The following RUNX1T1 variants were observed in gnomAD, a reference collection of about 807,000 sequenced individuals.
The protein encoded by RUNX1T1 is protein CBFA2T1.
RUNX1T1 carries 4 observed loss-of-function variants against 62.8 expected under a neutral mutation model. That is an observed-to-expected ratio of 0.06 (90% CI 0.03 to 0.15). The LOEUF is 0.15. Among genes scored for constraint, RUNX1T1 ranks in the 10% least tolerant of loss-of-function variants. The pLI, the probability that RUNX1T1 is intolerant of heterozygous loss-of-function variation, is 1.00. For synonymous variants in RUNX1T1, 291 were observed against 286.0 expected, an observed-to-expected ratio of 1.02 and a Z score of -0.18; for missense variants, 508 against 754.3, an observed-to-expected ratio of 0.67 and a Z score of 3.82.
chr8:92,005,426 G>A, intron 4 of RUNX1T1, 129 bp from the exon 6 acceptor site: 1 of 761,366 alleles, frequency 1.3e-6, no homozygotes, highest in Non-Finnish European at 2.0e-6. Context: ...TGCATGCCAT[G>A]GGCTGGAACC....
At chr8:91,994,349 A>G in intron 5 of RUNX1T1, 2 of 190,054 alleles carry the variant, frequency 1.1e-5, no homozygotes, top group South Asian at 2.3e-4. Context: ...TACCCATGTG[A>G]TTCTAATCTG....
chr8:91,987,211 T>G (rs1009918612), intron 6 of RUNX1T1, among the ~76,000 whole-genome samples: 1 of 152,154 alleles, frequency 6.6e-6, no homozygotes, highest in African/African-American at 2.4e-5. Context: ...ATTTTACACA[T>G]AAGGAGACAG....
At chr8:92,068,345 G>A (rs796828437) in intron 2 of RUNX1T1, among the ~76,000 whole-genome samples, 5 of 152,116 alleles carry the variant, frequency 3.3e-5, no homozygotes, top group African/African-American at 9.6e-5. Context: ...GACTAATGGC[G>A]AGTTAGTTTT....
chr8:92,038,943 T>C (rs773843227), intron 1 of RUNX1T1, among the ~76,000 whole-genome samples: 1 of 151,954 alleles, frequency 6.6e-6, no homozygotes, highest in Non-Finnish European at 1.5e-5. Flanking sequence ...GTCTCTCTCA[T>C]CCAGAAAAAT....
intron 1 of RUNX1T1, among the ~76,000 whole-genome samples, chr8:92,048,947 T>C (rs913514262): frequency 2.6e-5 from 4 of 152,112 alleles, no homozygotes; most frequent in African/African-American, 9.7e-5. Flanking sequence ...CAAATTAAAA[T>C]GAGGAGGTAT....
chr8:92,094,227 TA>T (rs1406870846), intron 1 of RUNX1T1, among the ~76,000 whole-genome samples: 1 of 152,238 alleles, frequency 6.6e-6, no homozygotes, highest in East Asian at 1.9e-4. Flanking sequence ...CCCCTGGCTT[TA>T]AACAAATTTT....
At chr8:92,009,101 G>A (rs753139368) in intron 4 of RUNX1T1, among the ~76,000 whole-genome samples, 12 of 152,084 alleles carry the variant, frequency 7.9e-5, no homozygotes, top group Non-Finnish European at 1.3e-4. Context: ...CAAGACAAGA[G>A]GCTTCCACAC....
intron 1 of RUNX1T1, among the ~76,000 whole-genome samples, chr8:92,088,561 A>G (rs913987083): frequency 1.3e-5 from 2 of 152,230 alleles, no homozygotes; most frequent in East Asian, 1.9e-4. Flanking sequence ...CCCTGGCACC[A>G]TGATCTGTGC....
At chr8:92,027,015 C>T (rs1434002274) in intron 1 of RUNX1T1, among the ~76,000 whole-genome samples, 2 of 138,464 alleles carry the variant, frequency 1.4e-5, no homozygotes, top group African/African-American at 2.7e-5. Flanking sequence ...ACTCGGGAGG[C>T]TGAGGCAGGA....
chr8:91,960,062 G>A, exon 11 of RUNX1T1: 2 of 630,194 alleles, frequency 3.2e-6, no homozygotes, highest in Non-Finnish European at 5.5e-6. Context: ...CCCGTTACTG[G>A]CCCTCTGTGT....
chr8:91,994,199 T>C (rs1363312538), intron 5 of RUNX1T1, among the ~76,000 whole-genome samples: 3 of 152,152 alleles, frequency 2.0e-5, no homozygotes, highest in Non-Finnish European at 4.4e-5. Flanking sequence ...CACTAAAACA[T>C]ACTGACTCCT....
In RUNX1T1 at chr8:91,959,484, GTGTGTATATA is replaced by G. The variant is rs1563591921; in HGVS notation, c.*748_*757del. 875 of 162,574 alleles carry G rather than the reference GTGTGTATATA, an allele frequency of 5.4e-3. 23 individuals carry two copies. Among genetic ancestry groups the G allele is most frequent in the African/African-American group, 0.015 (534 of 35,496 alleles). 10.1% of individuals were successfully genotyped at this position (162,574 alleles called of 1,614,324 possible). ...TGTGTGTGTATATGTGCGTGTGTGT[GTGTGTATATA>G]TATATATATATATATATATATGGAG... On this transcript the variant is annotated 3_prime_UTR_variant, in exon 11 of 11. Coordinates refer to ENST00000396218, the Ensembl canonical transcript of RUNX1T1.
chr8:91,967,373 C>A (rs1586719462), intron 10 of RUNX1T1, among the ~76,000 whole-genome samples: 1 of 151,856 alleles, frequency 6.6e-6, no homozygotes, highest in East Asian at 1.9e-4. Context: ...ATTTTACACG[C>A]CCCCCTCCCC....
intron 1 of RUNX1T1, among the ~76,000 whole-genome samples, chr8:92,036,117 T>C (rs1827369243): frequency 6.6e-6 from 1 of 152,226 alleles, no homozygotes; most frequent in Non-Finnish European, 1.5e-5. Flanking sequence ...TTATATTTCA[T>C]ATAGCACTAG....
At chr8:91,962,856 G>A (rs1471601302) in intron 10 of RUNX1T1, among the ~76,000 whole-genome samples, 1 of 152,204 alleles carries the variant, frequency 6.6e-6, no homozygotes, top group Admixed American at 6.5e-5. Context: ...GAAATACCCT[G>A]GTGTGAGTCC....
At chr8:92,098,753 C>A (rs1348144850) in intron 1 of RUNX1T1, among the ~76,000 whole-genome samples, 1 of 152,158 alleles carries the variant, frequency 6.6e-6, no homozygotes, top group African/African-American at 2.4e-5. Context: ...AATTTCATTT[C>A]TTTGGCCCTA....
At chr8:92,097,960 A>G (rs1837863760) in intron 1 of RUNX1T1, among the ~76,000 whole-genome samples, 1 of 152,262 alleles carries the variant, frequency 6.6e-6, no homozygotes, top group Non-Finnish European at 1.5e-5. Context: ...GGTTTCTATA[A>G]TCACAGCTGT....
At chr8:92,034,706 A>G (rs899546084) in intron 1 of RUNX1T1, among the ~76,000 whole-genome samples, 5 of 151,320 alleles carry the variant, frequency 3.3e-5, no homozygotes, top group Admixed American at 2.6e-4. Context: ...ATGTATACAT[A>G]TATATACACA....
chr8:92,013,545 G>A (rs1822394183), intron 3 of RUNX1T1, among the ~76,000 whole-genome samples: 1 of 152,132 alleles, frequency 6.6e-6, no homozygotes, highest in African/African-American at 2.4e-5. Flanking sequence ...TTTCAAGAAA[G>A]TGGAGACGAC....
Sources: gnomAD v4.1 joint callset for allele counts (sites outside exome capture counted in the v4.1 genomes callset) on GRCh38, gnomAD v4.1.1 for gene constraint, MANE v1.5 for transcripts, NCBI Gene and HGNC (gene_info 2026-07-23, HGNC 2026-07-21) for gene names.